Variants in B3GALT1 observed in about 807,000 individuals in gnomAD.
The protein encoded by B3GALT1 is beta-1,3-galactosyltransferase 1.
B3GALT1 carries 10 observed loss-of-function variants against 23.2 expected under a neutral mutation model. The observed-to-expected ratio is 0.43, with a 90% CI of 0.27 to 0.73. The LOEUF (loss-of-function observed/expected upper bound fraction) is 0.73, where lower values mean the gene tolerates loss of function less well. Ranked by LOEUF, B3GALT1 falls within the 30% of genes least tolerant of loss-of-function variation. B3GALT1 has a pLI of 0.21. For synonymous variants in B3GALT1, 156 were observed against 141.5 expected, an observed-to-expected ratio of 1.10 and a Z score of -0.73; for missense variants, 299 against 405.4, an observed-to-expected ratio of 0.74 and a Z score of 2.25.
In B3GALT1 at chr2:167,616,227, A is replaced by G. The variant is rs1357769894; in HGVS notation, c.-409-30682A>G. 5.3e-5 allele frequency among the ~76,000 whole-genome samples: 8 copies of G among 152,144 alleles called. No individual in the cohort carries two copies. The East Asian group carries it at 1.6e-3, about 30-fold the overall frequency. On this transcript the variant is annotated intron_variant, in intron 2 of 4. Transcript: ENST00000392690. ...CAAATGTTGAATAAATCTCCTGAAG[A>G]GTGTGGTAATAGGAACTCTTATGTT...
intron 2 of B3GALT1, among the ~76,000 whole-genome samples, chr2:167,568,183 T>A (rs572414846): frequency 6.6e-6 from 1 of 152,152 alleles, no homozygotes; most frequent in Non-Finnish European, 1.5e-5. Flanking sequence ...GTAAAACTGC[T>A]ATAAGGTCTT....
intron 4 of B3GALT1, among the ~76,000 whole-genome samples, chr2:167,849,903 A>AAG (rs1477185074): frequency 4.6e-5 from 7 of 151,958 alleles, no homozygotes; most frequent in Non-Finnish European, 8.8e-5. Context: ...AAAAAAAAAA[A>AAG]AAAAGGACTT....
At chr2:167,642,840 T>G (rs1264945381) in intron 2 of B3GALT1, among the ~76,000 whole-genome samples, 1 of 152,156 alleles carries the variant, frequency 6.6e-6, no homozygotes, top group Non-Finnish European at 1.5e-5. Flanking sequence ...TTCCCAGCAC[T>G]TAAAACATTG....
At chr2:167,836,826 C>A (rs987418739) in intron 4 of B3GALT1, among the ~76,000 whole-genome samples, 10 of 152,206 alleles carry the variant, frequency 6.6e-5, no homozygotes, top group South Asian at 4.1e-4. Flanking sequence ...AACAGCGGAT[C>A]TCTCGGGAGA....
intron 1 of B3GALT1, among the ~76,000 whole-genome samples, chr2:167,361,413 GA>G (rs1026437736): frequency 3.3e-5 from 5 of 151,920 alleles, no homozygotes; most frequent in Admixed American, 1.3e-4. Context: ...AATTATTACA[GA>G]AAAAAATGTT....
chr2:167,680,061 G>C (rs1212641997), intron 3 of B3GALT1, among the ~76,000 whole-genome samples: 3 of 151,890 alleles, frequency 2.0e-5, no homozygotes, highest in Non-Finnish European at 2.9e-5. Context: ...CTACTCTTTG[G>C]TGAAAACTTA....
At chr2:167,369,014 T>C (rs937559745) in intron 1 of B3GALT1, among the ~76,000 whole-genome samples, 2 of 152,052 alleles carry the variant, frequency 1.3e-5, no homozygotes, top group Admixed American at 6.6e-5. Context: ...AATTTACATT[T>C]TTAATCCAAA....
At chr2:167,350,074 T>G (rs1260185653) in intron 1 of B3GALT1, among the ~76,000 whole-genome samples, 1 of 152,170 alleles carries the variant, frequency 6.6e-6, no homozygotes. Flanking sequence ...CTAATAAGCA[T>G]TTTCATGGAG....
At chr2:167,859,180 C>T (rs563872377) in intron 4 of B3GALT1, among the ~76,000 whole-genome samples, 1 of 152,258 alleles carries the variant, frequency 6.6e-6, no homozygotes, top group Admixed American at 6.5e-5. Context: ...AATCACATTG[C>T]CGGGCTTCTA....
intron 3 of B3GALT1, among the ~76,000 whole-genome samples, chr2:167,792,241 G>T (rs1236920860): frequency 6.6e-6 from 1 of 152,118 alleles, no homozygotes; most frequent in African/African-American, 2.4e-5. Context: ...TCCCACCTTT[G>T]CCCTGTAGAC....
intron 1 of B3GALT1, among the ~76,000 whole-genome samples, chr2:167,306,815 T>A (rs1307432325): frequency 1.3e-5 from 2 of 152,010 alleles, no homozygotes; most frequent in Non-Finnish European, 2.9e-5. Flanking sequence ...CTCAAATTAA[T>A]CTAACACTCT....
At chr2:167,301,757 C>G (rs551954879) in intron 1 of B3GALT1, among the ~76,000 whole-genome samples, 1 of 152,200 alleles carries the variant, frequency 6.6e-6, no homozygotes, top group African/African-American at 2.4e-5. Flanking sequence ...CCATGTTGGC[C>G]AGGCCAGTGA....
rs1182326670 is a variant in B3GALT1 at position 167,676,514 on chromosome 2, TATACAC to T, written c.-352+29550_-352+29555del. ...ACACACATGCACACACGTGTATGTT[TATACAC>T]ACACACACACACACACACACACACA... On this transcript the variant is annotated intron_variant, in intron 3 of 4. Transcript: ENST00000392690. 5.7e-4 allele frequency among the ~76,000 whole-genome samples: 53 copies of T among 93,294 alleles called. No individual in the cohort carries two copies. In the East Asian group the frequency reaches 0.012, roughly 20 times the overall value. The allele number at this position is 93,294 out of a possible 152,430, so 61.2% of individuals were successfully genotyped here. A position where few individuals can be genotyped will look rare whatever the true frequency, so the allele number is the denominator to read the frequency against.
intron 3 of B3GALT1, among the ~76,000 whole-genome samples, chr2:167,647,428 C>T (rs1685767227): frequency 6.6e-6 from 1 of 152,146 alleles, no homozygotes; most frequent in Non-Finnish European, 1.5e-5. Context: ...GTCTTTGTTT[C>T]TTCATCCTTC....
intron 1 of B3GALT1, among the ~76,000 whole-genome samples, chr2:167,322,446 A>G (rs1375495129): frequency 3.9e-5 from 6 of 152,114 alleles, no homozygotes; most frequent in East Asian, 1.9e-4. Flanking sequence ...TCAACATTAA[A>G]TTTAGAAAAA....
chr2:167,715,224 G>C, intron 3 of B3GALT1: 1 of 1,613,974 alleles, frequency 6.2e-7, no homozygotes, highest in Non-Finnish European at 8.5e-7. Context: ...TCTTCTTCAA[G>C]CACAGCAGCC....
At chr2:167,631,926 C>T (rs957066579) in intron 2 of B3GALT1, among the ~76,000 whole-genome samples, 2 of 151,872 alleles carry the variant, frequency 1.3e-5, no homozygotes, top group African/African-American at 4.8e-5. Flanking sequence ...GGTATTTCTC[C>T]TAATGCTATC....
intron 1 of B3GALT1, among the ~76,000 whole-genome samples, chr2:167,400,166 CTGTGTGTG>C (rs149993955): frequency 1.4e-5 from 2 of 145,694 alleles, no homozygotes; most frequent in African/African-American, 2.5e-5. Context: ...ACATCTATGT[CTGTGTGTG>C]TGTGTGTGTG....
At chr2:167,397,275 T>C (rs1481434962) in intron 1 of B3GALT1, among the ~76,000 whole-genome samples, 1 of 99,514 alleles carries the variant, frequency 1.0e-5, no homozygotes, top group Non-Finnish European at 2.2e-5. Flanking sequence ...CCTTTTTTCT[T>C]TCTTCCCTTC....
Sources: allele counts gnomAD v4.1 joint callset (sites outside exome capture counted in the v4.1 genomes callset), GRCh38; gene constraint gnomAD v4.1.1; transcripts MANE v1.5; gene names NCBI Gene and HGNC (gene_info 2026-07-23, HGNC 2026-07-21).